Variants in PTPRN2 observed in about 807,000 individuals in gnomAD.
PTPRN2 encodes the protein receptor-type tyrosine-protein phosphatase N2.
In PTPRN2, 74 loss-of-function variants were observed where a neutral mutation model predicts 118.8. That is an observed-to-expected ratio of 0.62 (90% CI 0.52 to 0.76). The LOEUF (loss-of-function observed/expected upper bound fraction) is 0.76, where lower values mean the gene tolerates loss of function less well. PTPRN2 is among the 30% of genes least tolerant of loss of function. PTPRN2 has a pLI of 0.00. For missense variants in PTPRN2, 1,481 were observed against 1,394.4 expected (o/e 1.06, Z -0.99); for synonymous variants, 641 against 608.0 (o/e 1.05, Z -0.80).
At chr7:157,691,814 G>A (rs1207452098) in intron 12 of PTPRN2, among the ~76,000 whole-genome samples, 1 of 152,168 alleles carries the variant, frequency 6.6e-6, no homozygotes, top group Non-Finnish European at 1.5e-5. Context: ...GCCCGCAGCG[G>A]GCGAGAAGAG....
At chr7:158,540,776 G>A (rs1287647690) in intron 1 of PTPRN2, among the ~76,000 whole-genome samples, 1 of 152,218 alleles carries the variant, frequency 6.6e-6, no homozygotes, top group Non-Finnish European at 1.5e-5. Flanking sequence ...TTTTCCTTCA[G>A]TGTGGAAGAA....
At chr7:158,547,767 G>A (rs1014216461) in intron 1 of PTPRN2, among the ~76,000 whole-genome samples, 13 of 152,264 alleles carry the variant, frequency 8.5e-5, no homozygotes, top group Non-Finnish European at 1.0e-4. Context: ...GCCCCCCACC[G>A]TACCCCCTGT....
intron 12 of PTPRN2, among the ~76,000 whole-genome samples, chr7:157,894,115 A>G (rs938946957): frequency 2.6e-5 from 4 of 152,204 alleles, no homozygotes; most frequent in African/African-American, 9.7e-5. Flanking sequence ...GAATGAACGA[A>G]CAGCTCACTA....
rs1160312269 is a variant in PTPRN2, at chr7:157,869,997, G to C, written c.1788+28676C>G. ...CCTCTCGGTAGCCACTGCTGTGGTT[G>C]TGCTTGGTCATCAGGATGGTACTGG... On this transcript the variant is annotated intron_variant, in intron 12 of 22. Coordinates refer to ENST00000389418, the MANE Select transcript of PTPRN2 (RefSeq NM_002847.5). This position sits in a 1 kb window ranked among gnomAD's most constrained non-coding sequence, Gnocchi z 4.2. 6.6e-6 allele frequency among the ~76,000 whole-genome samples: 1 copy of C among 152,160 alleles called. No homozygotes were observed. Among genetic ancestry groups the C allele is most frequent in the African/African-American group, 2.4e-5 (1 of 41,434 alleles).
chr7:158,505,749 C>G (rs956567282), intron 1 of PTPRN2, among the ~76,000 whole-genome samples: 1 of 151,936 alleles, frequency 6.6e-6, no homozygotes, highest in African/African-American at 2.4e-5. Context: ...GACCTGAGCA[C>G]GCGCCTCACT....
chr7:158,276,887 G>C (rs1252615666), intron 3 of PTPRN2, among the ~76,000 whole-genome samples: 1 of 152,194 alleles, frequency 6.6e-6, no homozygotes, highest in East Asian at 1.9e-4. Context: ...TGTGAGCTGG[G>C]GCCGAGGGGG....
intron 12 of PTPRN2, among the ~76,000 whole-genome samples, chr7:157,844,197 G>A (rs779691825): frequency 3.0e-4 from 45 of 152,244 alleles, no homozygotes; most frequent in East Asian, 7.7e-4. Context: ...ACACACAGGA[G>A]GTGGTGTGCA....
intron 6 of PTPRN2, among the ~76,000 whole-genome samples, chr7:158,155,799 T>TCACCATCATCGCCATCATTAC (rs1821766781): frequency 6.6e-6 from 1 of 151,628 alleles, no homozygotes; most frequent in South Asian, 2.1e-4. Flanking sequence ...ATCAACACCA[T>TCACCATCATCGCCATCATTAC]CATCATCACC....
chr7:157,754,631 G>T (rs1801675569), intron 12 of PTPRN2, among the ~76,000 whole-genome samples: 1 of 152,220 alleles, frequency 6.6e-6, no homozygotes, highest in Non-Finnish European at 1.5e-5. Flanking sequence ...CGGCTGGAAA[G>T]GTGCCCAGTC....
At chr7:158,371,451 CAATAA>C (rs1226873449) in intron 2 of PTPRN2, among the ~76,000 whole-genome samples, 3 of 151,778 alleles carry the variant, frequency 2.0e-5, no homozygotes, top group Admixed American at 2.0e-4. Context: ...ACAATTTTAC[CAATAA>C]AATTCATAAA....
Position 158,360,126 on chromosome 7 carries a change from GGACGACGCACAGACCCCACA to G in PTPRN2, c.164-43214_164-43195del, listed in dbSNP as rs1563198680. Among the ~76,000 whole-genome samples, 384 of 86,612 alleles carry G rather than the reference GGACGACGCACAGACCCCACA, an allele frequency of 4.4e-3. 65 individuals carry two copies. The highest frequency in any genetic ancestry group is 5.0e-3 in the Non-Finnish European group (214 of 42,872). 56.8% of individuals were successfully genotyped at this position (86,612 alleles called of 152,430 possible). On this transcript the variant is annotated intron_variant, in intron 2 of 22. Coordinates refer to ENST00000389418, the MANE Select transcript of PTPRN2 (RefSeq NM_002847.5). ...CAGACCCCACATCCACCCTCACCCA[GGACGACGCACAGACCCCACA>G]TCCACCCTCACCCAGGACGACGCAC...
intron 10 of PTPRN2, among the ~76,000 whole-genome samples, chr7:158,105,708 C>T (rs1397804428): frequency 3.3e-5 from 5 of 151,548 alleles, no homozygotes; most frequent in Non-Finnish European, 7.4e-5. Flanking sequence ...ACCTCATCTC[C>T]ATCCACAAAT....
In PTPRN2 at chr7:157,656,105, G is replaced by C. The variant is rs1409984504; in HGVS notation, c.2196+252C>G. The stretch of plus-strand genomic sequence containing the variant: ...GCGGGTGCTCACTCTTACACACCAG[G>C]GACTGTGTGTGGGGGCTGCACGTTC... On this transcript the variant is annotated intron_variant, in intron 14 of 22. Coordinates refer to ENST00000389418, the MANE Select transcript of PTPRN2 (RefSeq NM_002847.5). Among the ~76,000 whole-genome samples, 2 of 41,604 alleles carry C rather than the reference G, an allele frequency of 4.8e-5. 1 individual carries two copies. Among genetic ancestry groups the C allele is most frequent in the Non-Finnish European group, 1.4e-4 (2 of 14,220 alleles). 27.3% of individuals were successfully genotyped at this position (41,604 alleles called of 152,430 possible). A position where few individuals can be genotyped will look rare whatever the true frequency, so the allele number is the denominator to read the frequency against.
chr7:158,547,100 G>T (rs1826335731), intron 1 of PTPRN2, among the ~76,000 whole-genome samples: 1 of 152,126 alleles, frequency 6.6e-6, no homozygotes, highest in Non-Finnish European at 1.5e-5. Context: ...AGGCAAAGTG[G>T]CCTTCTCTTT....
At chr7:158,139,492 CG>C (rs77341339) in intron 6 of PTPRN2, among the ~76,000 whole-genome samples, 2,650 of 151,252 alleles carry the variant, frequency 0.018, 90 homozygotes, top group East Asian at 0.15. Context: ...CAGGAGGGCA[CG>C]GGGGGGTGGG....
chr7:157,834,827 C>A (rs1807823792), intron 12 of PTPRN2, among the ~76,000 whole-genome samples: 1 of 152,188 alleles, frequency 6.6e-6, no homozygotes, highest in African/African-American at 2.4e-5. Context: ...TCATGAACCC[C>A]AAATGTGTTG....
At chr7:158,376,568 C>T (rs1237519877) in intron 2 of PTPRN2, among the ~76,000 whole-genome samples, 22 of 58,722 alleles carry the variant, frequency 3.7e-4, no homozygotes, top group South Asian at 3.7e-3. Context: ...ACATCCTGCA[C>T]GCGGGGTCAG....
In PTPRN2 at chr7:158,587,803, G is replaced by A. The variant is rs1183037112; in HGVS notation, c.-134C>T. ...CTCTCGCGCTCTTGCGGCGACGCCG[G>A]GCCGAGCTTCAGCACCGGACAGCGC... On this transcript the variant is annotated 5_prime_UTR_variant, in exon 1 of 23. Coordinates refer to ENST00000389418, the MANE Select transcript of PTPRN2 (RefSeq NM_002847.5). 2.2e-6 allele frequency: 2 copies of A among 896,146 alleles called. No individual in the cohort carries two copies. Among genetic ancestry groups the A allele is most frequent in the African/African-American group, 3.7e-5 (2 of 54,480 alleles). 55.5% of individuals were successfully genotyped at this position (896,146 alleles called of 1,614,324 possible).
In PTPRN2 at chr7:157,690,904, C is replaced by CGGGCGGGCTCA. The variant is rs1262289213; in HGVS notation, c.1789-7978_1789-7968dup. On this transcript the variant is annotated intron_variant, in intron 12 of 22. Transcript: ENST00000389418. The surrounding 1 kb of genome is among the most constrained non-coding windows in gnomAD (Gnocchi z 7.1). ...AGGCACGCTGGGCCGGGGCGCGGCGCGGGCGGGCTCAGGGCGGGCTCCGGA... is the reference window on the plus strand; with the variant it reads ...AGGCACGCTGGGCCGGGGCGCGGCGCGGGCGGGCTCAGGGCGGGCTCAGGGCGGGCTCCGGA... Among the ~76,000 whole-genome samples, 1 of 145,832 alleles carries CGGGCGGGCTCA rather than the reference C, an allele frequency of 6.9e-6. No individual in the cohort carries two copies. Among genetic ancestry groups the CGGGCGGGCTCA allele is most frequent in the Non-Finnish European group, 1.5e-5 (1 of 65,628 alleles).
Sources: gnomAD v4.1 joint callset for allele counts (sites outside exome capture counted in the v4.1 genomes callset) on GRCh38, gnomAD v4.1.1 for gene constraint, Gnocchi (gnomAD v3.1) non-coding constraint, MANE v1.5 for transcripts, NCBI Gene and HGNC (gene_info 2026-07-23, HGNC 2026-07-21) for gene names.